Variants in INSL6 observed in about 807,000 individuals in gnomAD.
The protein encoded by INSL6 is insulin like 6.
In INSL6, 16 loss-of-function variants were observed where a neutral mutation model predicts 9.4. That is an observed-to-expected ratio of 1.70 (90% CI 1.15 to 2.59). INSL6 has a LOEUF of 2.59. Ranked by LOEUF, INSL6 falls within the 30% of genes most tolerant of loss-of-function variation. The probability of loss-of-function intolerance (pLI) is 0.00; values close to 1 mark genes in which losing one functional copy is unlikely to be tolerated. For missense variants in INSL6, 391 were observed against 257.3 expected, an observed-to-expected ratio of 1.52 and a Z score of -3.56; for synonymous variants, 154 against 96.9, an observed-to-expected ratio of 1.59 and a Z score of -3.46.
At position 5,185,390 on chromosome 9, in the gene INSL6, C is replaced by A. The variant is rs753418629; in HGVS notation, c.213G>T (p.Lys71Asn). ...ACTGGTATGGGCTGTAGGCTTCGAC[C>A]TTCTCCGAGGCCTGTGCAATCAACC... ...FSRLIAQASE[K>N]VEAYSPYQFE... The change falls in exon 1 of 2, where the codon AAG (lysine) becomes AAT (asparagine). Residue 71 changes from lysine (K) to asparagine (N), a missense_variant. Coordinates refer to ENST00000381641, the MANE Select transcript of INSL6 (RefSeq NM_007179.3). The A allele has an allele frequency of 6.2e-7, 1 of 1,614,056 alleles. No homozygotes were observed. Among genetic ancestry groups the A allele is most frequent in the Non-Finnish European group, 8.5e-7 (1 of 1,180,038 alleles).
intron 3 of INSL6, among the ~76,000 whole-genome samples, chr9:5,131,302 T>A (rs530400402): frequency 6.6e-4 from 100 of 152,282 alleles, no homozygotes; most frequent in Non-Finnish European, 9.7e-4. Context: ...GAACAAAATT[T>A]ATTATTATGT....
chr9:5,035,190 T>A, the INSL6 span, among the ~76,000 whole-genome samples: 2 of 152,102 alleles, frequency 1.3e-5, no homozygotes, highest in Non-Finnish European at 2.9e-5. Flanking sequence ...CAGAAAGAAG[T>A]TGAATCTCTG....
At chr9:5,114,643 C>T in the INSL6 span, 107 of 468,660 alleles carry the variant, frequency 2.3e-4, 1 homozygote, top group East Asian at 1.8e-3. Context: ...CACAGCATGA[C>T]GCAGCCCCGC....
At chr9:5,026,146 T>C in the INSL6 span, among the ~76,000 whole-genome samples, 36 of 152,356 alleles carry the variant, frequency 2.4e-4, no homozygotes, top group African/African-American at 8.2e-4. Context: ...TTCTACTATA[T>C]TGAGTTAGAT....
the INSL6 span, chr9:5,085,394 C>G: frequency 1.2e-6 from 1 of 852,076 alleles, no homozygotes; most frequent in Non-Finnish European, 2.0e-6. Context: ...TCGGGGCATC[C>G]TAGAACAGAG....
the INSL6 span, among the ~76,000 whole-genome samples, chr9:5,095,215 C>T: frequency 9.2e-5 from 14 of 152,102 alleles, no homozygotes; most frequent in Non-Finnish European, 7.4e-5. Flanking sequence ...TGGTTATACC[C>T]TTCCCATACT....
downstream of INSL6, among the ~76,000 whole-genome samples, chr9:5,162,866 T>G (rs945509216): frequency 1.3e-5 from 2 of 152,234 alleles, no homozygotes; most frequent in African/African-American, 4.8e-5. Flanking sequence ...TCTCAAATGT[T>G]GCTTATCAAC....
the INSL6 span, among the ~76,000 whole-genome samples, chr9:5,115,535 A>G: frequency 6.6e-6 from 1 of 152,190 alleles, no homozygotes; most frequent in Non-Finnish European, 1.5e-5. Context: ...TAGAAATACC[A>G]TTTCACTGAG....
chr9:5,148,439 C>T (rs1824645165), intron 2 of INSL6, among the ~76,000 whole-genome samples: 1 of 152,128 alleles, frequency 6.6e-6, no homozygotes, highest in African/African-American at 2.4e-5. Flanking sequence ...CCGGTCGGCT[C>T]ATGGACTTTG....
At chr9:5,070,086 G>A in the INSL6 span, 1 of 1,501,032 alleles carries the variant, frequency 6.7e-7, no homozygotes, top group Non-Finnish European at 9.1e-7. Context: ...TGTCTTTTTT[G>A]TCCTTTTAAA....
chr9:5,041,710 A>G, the INSL6 span: 1 of 504,034 alleles, frequency 2.0e-6, no homozygotes. Flanking sequence ...TTCGACTCTG[A>G]GTACGAGGGG....
At chr9:5,000,765 C>T in the INSL6 span, among the ~76,000 whole-genome samples, 1 of 152,058 alleles carries the variant, frequency 6.6e-6, no homozygotes, top group Non-Finnish European at 1.5e-5. Flanking sequence ...ATACCATCTT[C>T]TTGTTTGATA....
the INSL6 span, among the ~76,000 whole-genome samples, chr9:5,015,456 TA>T: frequency 8.2e-3 from 1,253 of 152,334 alleles, 13 homozygotes; most frequent in African/African-American, 0.029. Context: ...AATAGTGAGT[TA>T]AACGGCTGGC....
In INSL6 at chr9:5,163,934, TG is replaced by T; in HGVS notation, c.620del (p.Ser207TyrfsTer3). On this transcript the variant is annotated frameshift_variant, in exon 2 of 2. Coordinates refer to ENST00000381641, the MANE Select transcript of INSL6 (RefSeq NM_007179.3). LOFTEE classifies it high-confidence loss of function. ...DFKRLKEKRS[S>X]LVTKIY is the part of the protein sequence containing the mutation. The stretch of plus-strand genomic sequence containing the variant: ...ATGGTTAGTATATCTTAGTTACAAG[TG>T]ATGATCTTTTTTCCTTTAGCCTTTT... The T allele has an allele frequency of 6.2e-7, 1 of 1,602,174 alleles. No individual in the cohort carries two copies. The highest frequency in any genetic ancestry group is 8.5e-7 in the Non-Finnish European group (1 of 1,175,458).
chr9:5,163,644 C>T (rs1218515953), downstream of INSL6, among the ~76,000 whole-genome samples: 1 of 151,876 alleles, frequency 6.6e-6, no homozygotes, highest in Admixed American at 6.6e-5. Flanking sequence ...GAGTTTCAAC[C>T]GTAATGACAA....
At chr9:5,009,604 T>C in the INSL6 span, among the ~76,000 whole-genome samples, 1 of 152,188 alleles carries the variant, frequency 6.6e-6, no homozygotes, top group East Asian at 1.9e-4. Flanking sequence ...TCAGTTGTTT[T>C]CTGGTCCATT....
At chr9:5,078,753 T>C in the INSL6 span, among the ~76,000 whole-genome samples, 12 of 152,280 alleles carry the variant, frequency 7.9e-5, no homozygotes, top group Admixed American at 5.9e-4. Context: ...CACAAGTAAA[T>C]TTTCTAAATA....
the INSL6 span, among the ~76,000 whole-genome samples, chr9:5,005,194 C>A: frequency 3.6e-5 from 5 of 140,762 alleles, no homozygotes; most frequent in Non-Finnish European, 6.0e-5. Context: ...AAGTAATCCT[C>A]CCACCTTGGC....
chr9:5,181,015 C>T (rs553497447), intron 1 of INSL6, among the ~76,000 whole-genome samples: 8 of 152,270 alleles, frequency 5.3e-5, no homozygotes, highest in Middle Eastern at 3.4e-3. Context: ...CTGTCACCCC[C>T]GGCGGCCCAG....
Sources: allele counts gnomAD v4.1 joint callset (sites outside exome capture counted in the v4.1 genomes callset), GRCh38; gene constraint gnomAD v4.1.1; transcripts MANE v1.5; gene names NCBI Gene and HGNC (gene_info 2026-07-23, HGNC 2026-07-21).